MAGI1: variants seen among roughly 807,000 people sequenced by gnomAD.
The protein encoded by MAGI1 is membrane-associated guanylate kinase, WW and PDZ domain-containing protein 1.
Under a neutral mutation model 139.9 loss-of-function variants are expected in MAGI1, and 58 were observed. The observed-to-expected ratio is 0.41, with a 90% CI of 0.34 to 0.52. The LOEUF is 0.52. Among genes scored for constraint, MAGI1 ranks in the 20% least tolerant of loss-of-function variants. The pLI is 0.12. For synonymous variants in MAGI1, 812 were observed against 737.9 expected, an observed-to-expected ratio of 1.10 and a Z score of -1.63; for missense variants, 1,874 against 1,901.6, an observed-to-expected ratio of 0.99 and a Z score of 0.27.
chr3:65,961,678 G>A (rs568772800), intron 1 of MAGI1, among the ~76,000 whole-genome samples: 9 of 152,264 alleles, frequency 5.9e-5, no homozygotes, highest in South Asian at 2.1e-4. Flanking sequence ...AAGGCATTCC[G>A]CAGAAAACAG....
chr3:65,644,261 TGAA>T (rs1435755458), intron 1 of MAGI1, among the ~76,000 whole-genome samples: 1 of 151,914 alleles, frequency 6.6e-6, no homozygotes, highest in African/African-American at 2.4e-5. Flanking sequence ...ACTCATCATA[TGAA>T]GAATAAAAAA....
At chr3:65,706,765 G>T (rs753870170) in intron 1 of MAGI1, among the ~76,000 whole-genome samples, 3 of 152,132 alleles carry the variant, frequency 2.0e-5, no homozygotes, top group Admixed American at 6.5e-5. Context: ...ATGGGTGGGT[G>T]GGGGGAACAG....
At chr3:65,894,951 C>T (rs920519263) in intron 1 of MAGI1, among the ~76,000 whole-genome samples, 1 of 152,206 alleles carries the variant, frequency 6.6e-6, no homozygotes, top group African/African-American at 2.4e-5. Flanking sequence ...GGAACCTTCA[C>T]ATGAGTTCAA....
At chr3:65,772,674 A>C (rs2038052227) in intron 1 of MAGI1, among the ~76,000 whole-genome samples, 2 of 152,248 alleles carry the variant, frequency 1.3e-5, no homozygotes, top group African/African-American at 4.8e-5. Flanking sequence ...AGACAGCATA[A>C]GGATAAGCTT....
At chr3:66,008,564 G>T (rs1457135658) in intron 1 of MAGI1, among the ~76,000 whole-genome samples, 1 of 152,248 alleles carries the variant, frequency 6.6e-6, no homozygotes, top group Non-Finnish European at 1.5e-5. Flanking sequence ...ACAACTGAGT[G>T]GCAAGTGCTG....
At position 65,356,778 on chromosome 3, in the gene MAGI1, G is replaced by C. The variant is rs148072697; in HGVS notation, c.3989C>G (p.Thr1330Ser). ...RRSPEKRREG[T>S]RSADNTLERR... ...CTCCAAAGTGTTGTCGGCGCTGCGG[G>C]TGCCCTCCCTCCGCTTCTCTGGGGA... The change falls in exon 23 of 23, where the codon ACC becomes AGC. Residue 1330 changes from threonine (T) to serine (S), a missense_variant. Transcript: ENST00000402939. 1,983 of 1,607,860 alleles carry C rather than the reference G, an allele frequency of 1.2e-3. 15 individuals are homozygous for C. The African/African-American group carries it at 0.017, about 13-fold the overall frequency.
intron 13 of MAGI1, among the ~76,000 whole-genome samples, chr3:65,396,299 A>G (rs1944390014): frequency 6.6e-6 from 1 of 152,230 alleles, no homozygotes; most frequent in South Asian, 2.1e-4. Flanking sequence ...CTCAATTCAT[A>G]GCCAACTAGG....
intron 2 of MAGI1, among the ~76,000 whole-genome samples, chr3:65,595,087 CT>C (rs2082126026): frequency 6.6e-6 from 1 of 152,168 alleles, no homozygotes; most frequent in Non-Finnish European, 1.5e-5. Context: ...TGTTTAGCTC[CT>C]TTGTAAATAT....
At chr3:65,380,295 G>T (rs1215567296) in intron 16 of MAGI1, among the ~76,000 whole-genome samples, 2 of 152,150 alleles carry the variant, frequency 1.3e-5, no homozygotes, top group Admixed American at 6.5e-5. Context: ...TCCAAGTTTT[G>T]GATCAGACTG....
intron 2 of MAGI1, among the ~76,000 whole-genome samples, chr3:65,550,217 G>A (rs1034606318): frequency 1.3e-5 from 2 of 152,154 alleles, no homozygotes; most frequent in African/African-American, 4.8e-5. Flanking sequence ...ACCCCAGGAG[G>A]GGGTTAAGTA....
In MAGI1 at chr3:65,433,415, T is replaced by C. The variant is rs144143866; in HGVS notation, c.1364-2534A>G. Among the ~76,000 whole-genome samples the C allele has an allele frequency of 1.4e-3, 209 of 152,296 alleles. 4 individuals carry two copies. In the East Asian group the frequency reaches 0.023, roughly 17 times the overall value. ...CTTTGAAATTATACGACTGACTTCC[T>C]TTTCCAATGTTTAACAAGGGAAGGA... On this transcript the variant is annotated intron_variant, in intron 10 of 22. Transcript: ENST00000402939.
chr3:65,574,323 T>C (rs1057157539), intron 2 of MAGI1, among the ~76,000 whole-genome samples: 2 of 150,672 alleles, frequency 1.3e-5, no homozygotes, highest in Non-Finnish European at 3.0e-5. Context: ...GGGTAATAAG[T>C]ACAGTACCCA....
chr3:65,721,431 A>G (rs572535762), intron 1 of MAGI1, among the ~76,000 whole-genome samples: 10 of 152,312 alleles, frequency 6.6e-5, no homozygotes, highest in African/African-American at 1.7e-4. Flanking sequence ...TGCATGAATT[A>G]GAGCTGTCCT....
At chr3:65,667,922 G>C (rs992997036) in intron 1 of MAGI1, among the ~76,000 whole-genome samples, 2 of 152,202 alleles carry the variant, frequency 1.3e-5, no homozygotes, top group Non-Finnish European at 2.9e-5. Context: ...GTATGGCACA[G>C]TGCAAGGGAT....
intron 1 of MAGI1, among the ~76,000 whole-genome samples, chr3:65,823,395 G>A (rs1455966618): frequency 2.6e-5 from 4 of 152,196 alleles, no homozygotes; most frequent in Non-Finnish European, 4.4e-5. Flanking sequence ...TCTATTTCCA[G>A]TGCCCAGCAC....
chr3:66,008,067 GT>G (rs2067126415), intron 1 of MAGI1, among the ~76,000 whole-genome samples: 1 of 151,790 alleles, frequency 6.6e-6, no homozygotes, highest in African/African-American at 2.4e-5. Flanking sequence ...CAGCTAATTT[GT>G]GTATTTTTAG....
At chr3:65,589,685 A>T (rs12635482) in intron 2 of MAGI1, among the ~76,000 whole-genome samples, 2 of 151,688 alleles carry the variant, frequency 1.3e-5, no homozygotes, top group South Asian at 4.2e-4. Context: ...AACACTCCCA[A>T]TGTGGCATAA....
intron 7 of MAGI1, among the ~76,000 whole-genome samples, chr3:65,446,748 A>C (rs1282023748): frequency 6.6e-6 from 1 of 152,156 alleles, no homozygotes; most frequent in African/African-American, 2.4e-5. Context: ...TTTTTGATCA[A>C]ATTAGTTTCA....
intron 10 of MAGI1, among the ~76,000 whole-genome samples, chr3:65,433,186 T>C (rs1947591511): frequency 6.6e-6 from 1 of 152,160 alleles, no homozygotes; most frequent in South Asian, 2.1e-4. Context: ...AGAGAATGAA[T>C]GAACAAATAA....
Sources: allele counts gnomAD v4.1 joint callset (sites outside exome capture counted in the v4.1 genomes callset), GRCh38; gene constraint gnomAD v4.1.1; transcripts MANE v1.5; gene names NCBI Gene and HGNC (gene_info 2026-07-23, HGNC 2026-07-21).